The following RNFT2 variants were observed in gnomAD, a reference collection of about 807,000 sequenced individuals.
RNFT2 encodes the protein ring finger protein, transmembrane 2, also known as E3 ubiquitin-protein ligase RNFT2.
RNFT2 carries 36 observed loss-of-function variants against 53.0 expected under a neutral mutation model. The observed-to-expected ratio is 0.68, with a 90% CI of 0.52 to 0.90. RNFT2 has a LOEUF of 0.90. Among genes scored for constraint, RNFT2 ranks in the 40% least tolerant of loss-of-function variants. The pLI is 0.00. For synonymous variants in RNFT2, 260 were observed against 253.2 expected (o/e 1.03, Z -0.26); for missense variants, 514 against 585.6 (o/e 0.88, Z 1.26).
intron 1 of RNFT2, among the ~76,000 whole-genome samples, chr12:116,739,587 C>T (rs149535585): frequency 1.2e-4 from 19 of 152,304 alleles, no homozygotes; most frequent in South Asian, 4.1e-4. Flanking sequence ...ATTTGCCCTG[C>T]GGGACCAAGC....
chr12:116,796,592 T>C (rs1874513904), intron 7 of RNFT2, among the ~76,000 whole-genome samples: 1 of 152,190 alleles, frequency 6.6e-6, no homozygotes, highest in Non-Finnish European at 1.5e-5. Context: ...AGAGGATTCA[T>C]GGGGCTTTCA....
intron 4 of RNFT2, 117 bp from the exon 5 acceptor site, chr12:116,753,867 T>C: frequency 2.8e-6 from 2 of 723,736 alleles, no homozygotes; most frequent in Non-Finnish European, 4.8e-6. Context: ...TATTTTTCTC[T>C]CTCTTCTGTC....
rs567745532 is a variant in RNFT2, at chr12:116,792,325, C to T, written c.882+12977C>T. The stretch of plus-strand genomic sequence containing the variant: ...TCGGCCTCCCAAAGTGCTGGGATTA[C>T]AGGTATGAGCCACTGCGCCCAGCCT... On this transcript the variant is annotated intron_variant, in intron 7 of 10. Coordinates refer to ENST00000257575, the MANE Select transcript of RNFT2 (RefSeq NM_001382266.1). 2.6e-5 allele frequency among the ~76,000 whole-genome samples: 4 copies of T among 152,292 alleles called. No individual in the cohort carries two copies. In the East Asian group the frequency reaches 7.7e-4, roughly 29 times the overall value.
rs1878018550 is a variant in RNFT2, at chr12:116,853,367, C to A, written c.*3919C>A. On this transcript the variant is annotated 3_prime_UTR_variant, in exon 11 of 11. Transcript: ENST00000257575. ...AAATGGACCTCTTCATGTAAAATAT[C>A]TTGAGAATAATAAATGTGAGGGAAT... 2.5e-6 allele frequency: 1 copy of A among 394,472 alleles called. No individual in the cohort carries two copies. Among genetic ancestry groups the A allele is most frequent in the African/African-American group, 2.1e-5 (1 of 48,518 alleles). The allele number at this position is 394,472 out of a possible 1,614,324, so 24.4% of individuals were successfully genotyped here.
intron 7 of RNFT2, among the ~76,000 whole-genome samples, chr12:116,792,496 C>T (rs1874293470): frequency 6.6e-6 from 1 of 152,154 alleles, no homozygotes; most frequent in Admixed American, 6.5e-5. Flanking sequence ...GGACCCAGCA[C>T]CCCTTTCTTG....
At position 116,852,900 on chromosome 12, in the gene RNFT2, G is replaced by A; in HGVS notation, c.*3452G>A. 1.6e-6 allele frequency: 1 copy of A among 613,672 alleles called. No homozygotes were observed. Among genetic ancestry groups the A allele is most frequent in the South Asian group, 2.1e-5 (1 of 47,922 alleles). The allele number at this position is 613,672 out of a possible 1,614,324, so 38.0% of individuals were successfully genotyped here. A position where few individuals can be genotyped will look rare whatever the true frequency, so the allele number is the denominator to read the frequency against. ...ATACCCCAATGGTTTCTCCAATTAT[G>A]CCCATGCCACCAAAACAATAAAACA... On this transcript the variant is annotated 3_prime_UTR_variant, in exon 11 of 11. Transcript: ENST00000257575.
intron 5 of RNFT2, among the ~76,000 whole-genome samples, chr12:116,763,820 A>T (rs2137094624): frequency 6.6e-6 from 1 of 152,018 alleles, no homozygotes; most frequent in Non-Finnish European, 1.5e-5. Context: ...TAAAAGTAGA[A>T]CTACCATTTG....
chr12:116,761,314 A>AACG (rs900048037), intron 5 of RNFT2, among the ~76,000 whole-genome samples: 4 of 151,102 alleles, frequency 2.6e-5, no homozygotes, highest in Non-Finnish European at 1.5e-5. Flanking sequence ...ACGCCTAGCT[A>AACG]ATTTTGTATT....
chr12:116,828,104 A>G (rs1876439716), intron 7 of RNFT2, among the ~76,000 whole-genome samples: 1 of 152,216 alleles, frequency 6.6e-6, no homozygotes, highest in South Asian at 2.1e-4. Flanking sequence ...ACGAAGCAGG[A>G]GGCTGCCCAC....
rs147947093 is a variant in RNFT2, at chr12:116,851,603, G to A, written c.*2155G>A. Reference sequence around the variant, plus strand: ...AAAAATACAAAAATTAGCCGGGCGCGGTGGCGGGTGCCTGTAATCCCAGCT... The same window carrying A: ...AAAAATACAAAAATTAGCCGGGCGCAGTGGCGGGTGCCTGTAATCCCAGCT... On this transcript the variant is annotated 3_prime_UTR_variant, in exon 11 of 11. Transcript: ENST00000257575. The A allele has an allele frequency of 4.3e-5, 26 of 600,494 alleles. No homozygotes were observed. Among genetic ancestry groups the A allele is most frequent in the South Asian group, 6.1e-5 (3 of 48,810 alleles). The allele number at this position is 600,494 out of a possible 1,614,324, so 37.2% of individuals were successfully genotyped here.
At chr12:116,803,017 C>T (rs1049733542) in intron 7 of RNFT2, among the ~76,000 whole-genome samples, 3 of 152,058 alleles carry the variant, frequency 2.0e-5, no homozygotes, top group Non-Finnish European at 4.4e-5. Context: ...ATCTCTTGAG[C>T]CTGGGAGGCA....
Position 116,852,711 on chromosome 12 carries a change from A to T in RNFT2, c.*3263A>T, listed in dbSNP as rs1477879262. 6.2e-7 allele frequency: 1 copy of T among 1,613,706 alleles called. No homozygotes were observed. The highest frequency in any genetic ancestry group is 1.1e-5 in the South Asian group (1 of 91,076). ...AAGATTGATGAAAGTGCAGGTGTGT[A>T]AGGAAATAGAACAGTCTGCTGGGAG... On this transcript the variant is annotated 3_prime_UTR_variant, in exon 11 of 11. Coordinates refer to ENST00000257575, the MANE Select transcript of RNFT2 (RefSeq NM_001382266.1).
At chr12:116,801,741 T>C (rs975050907) in intron 7 of RNFT2, among the ~76,000 whole-genome samples, 11 of 152,234 alleles carry the variant, frequency 7.2e-5, no homozygotes, top group African/African-American at 2.7e-4. Context: ...AAACTATGTT[T>C]CTGGGCCCTT....
intron 10 of RNFT2, among the ~76,000 whole-genome samples, chr12:116,848,725 A>G (rs973630900): frequency 6.6e-6 from 1 of 151,998 alleles, no homozygotes; most frequent in Non-Finnish European, 1.5e-5. Context: ...TGCAAGTTTT[A>G]CCCAAATGTC....
chr12:116,780,333 A>G (rs1039261438), intron 7 of RNFT2, among the ~76,000 whole-genome samples: 5 of 152,198 alleles, frequency 3.3e-5, no homozygotes, highest in Non-Finnish European at 7.3e-5. Context: ...AAACTGTTCC[A>G]CTTCAGATCA....
intron 3 of RNFT2, among the ~76,000 whole-genome samples, chr12:116,745,367 T>C (rs1871848696): frequency 6.6e-6 from 1 of 151,684 alleles, no homozygotes; most frequent in South Asian, 2.1e-4. Context: ...TAGAGAGGGT[T>C]TTTTGCCATA....
intron 5 of RNFT2, among the ~76,000 whole-genome samples, chr12:116,764,789 G>A (rs569637055): frequency 6.6e-6 from 1 of 152,324 alleles, no homozygotes; most frequent in Non-Finnish European, 1.5e-5. Context: ...CCACTTGGGA[G>A]GCTGAGGCAG....
intron 7 of RNFT2, among the ~76,000 whole-genome samples, chr12:116,819,293 G>A (rs1170957458): frequency 6.6e-6 from 1 of 152,240 alleles, no homozygotes; most frequent in Non-Finnish European, 1.5e-5. Context: ...CGCAAACTGA[G>A]ATCTCCTTTG....
intron 7 of RNFT2, among the ~76,000 whole-genome samples, chr12:116,822,976 G>A (rs761000327): frequency 3.3e-5 from 5 of 152,146 alleles, no homozygotes; most frequent in African/African-American, 9.7e-5. Context: ...CAGGTTGGGC[G>A]ATAGTGCGAG....
Sources: gnomAD v4.1 joint callset for allele counts (sites outside exome capture counted in the v4.1 genomes callset) on GRCh38, gnomAD v4.1.1 for gene constraint, MANE v1.5 for transcripts, NCBI Gene and HGNC (gene_info 2026-07-23, HGNC 2026-07-21) for gene names.